The following RFX2 variants were observed in gnomAD, a reference collection of about 807,000 sequenced individuals.
The protein encoded by RFX2 is regulatory factor X2.
Under a neutral mutation model 87.8 loss-of-function variants are expected in RFX2, and 20 were observed. That is an observed-to-expected ratio of 0.23 (90% CI 0.16 to 0.33). The LOEUF (loss-of-function observed/expected upper bound fraction) is 0.33, where lower values mean the gene tolerates loss of function less well. Ranked by LOEUF, RFX2 falls within the 10% of genes least tolerant of loss-of-function variation. RFX2 has a pLI of 1.00. For missense variants in RFX2, 767 were observed against 1,012.3 expected (o/e 0.76, Z 3.29); for synonymous variants, 397 against 431.3 (o/e 0.92, Z 0.98).
chr19:6,093,391 C>T lies in RFX2; in HGVS notation c.-9+17002G>A, dbSNP rs1599927904. Among the ~76,000 whole-genome samples the T allele has an allele frequency of 3.3e-5, 5 of 152,002 alleles. No homozygotes were observed. In the East Asian group the frequency reaches 7.7e-4, roughly 23 times the overall value. On this transcript the variant is annotated intron_variant, in intron 1 of 17. Transcript: ENST00000303657. ...CTCTACTAAAATACAAAAAATTTGCCGGGCGTGGTGGCACATGCCTGTAAT... is the reference window on the plus strand; with the variant it reads ...CTCTACTAAAATACAAAAAATTTGCTGGGCGTGGTGGCACATGCCTGTAAT...
Position 6,017,294 on chromosome 19 carries a change from C to G in RFX2, c.598-1023G>C, listed in dbSNP as rs151204558. On this transcript the variant is annotated intron_variant, in intron 6 of 17. Coordinates refer to ENST00000303657, the MANE Select transcript of RFX2 (RefSeq NM_000635.4). The surrounding 1 kb of genome is among the most constrained non-coding windows in gnomAD (Gnocchi z 4.1). ...GAGTCCCGAGCCAAGGACTATGCCT[C>G]GAGAGGTGAACATCCAGTTAGAAGG... Among the ~76,000 whole-genome samples the G allele has an allele frequency of 1.2e-3, 180 of 152,292 alleles. 1 individual carries two copies. The highest frequency in any genetic ancestry group is 2.1e-3 in the Non-Finnish European group (146 of 68,020).
intron 6 of RFX2, among the ~76,000 whole-genome samples, chr19:6,025,851 T>G (rs1248364603): frequency 6.6e-6 from 1 of 150,504 alleles, no homozygotes; most frequent in East Asian, 2.0e-4. Flanking sequence ...AGTGGCGTGA[T>G]CTCGGCTCAC....
rs1200738078 is a variant in RFX2 at position 6,040,341 on chromosome 19, C to T, written c.261-100G>A. 12 of 1,259,622 alleles carry T rather than the reference C, an allele frequency of 9.5e-6. No homozygotes were observed. The highest frequency in any genetic ancestry group is 1.3e-5 in the Non-Finnish European group (12 of 925,770). 78.0% of individuals were successfully genotyped at this position (1,259,622 alleles called of 1,614,324 possible). ...CCAAACATCACGTAAAAGCTGCAAC[C>T]CAGAGAGGCCAGACATATGGAGCAA... On this transcript the variant is annotated intron_variant, in intron 4 of 17. Coordinates refer to ENST00000303657, the MANE Select transcript of RFX2 (RefSeq NM_000635.4). This position sits in a 1 kb window ranked among gnomAD's most constrained non-coding sequence, Gnocchi z 6.1.
At position 6,007,337 on chromosome 19, in the gene RFX2, G is replaced by A. The variant is rs750549699; in HGVS notation, c.1248-171C>T. 4.6e-5 allele frequency among the ~76,000 whole-genome samples: 7 copies of A among 152,076 alleles called. No individual in the cohort carries two copies. The highest frequency in any genetic ancestry group is 2.1e-4 in the South Asian group (1 of 4,820). ...CCCCTCCCTCCATGTTGCTCCCGGC[G>A]CCTCCGTGTTTCCCCCTGTCCCTCA... On this transcript the variant is annotated intron_variant, in intron 11 of 17. Coordinates refer to ENST00000303657, the MANE Select transcript of RFX2 (RefSeq NM_000635.4). The surrounding 1 kb of genome is among the most constrained non-coding windows in gnomAD (Gnocchi z 8.2).
intron 2 of RFX2, among the ~76,000 whole-genome samples, chr19:6,046,237 A>C (rs1026638161): frequency 6.6e-6 from 1 of 152,214 alleles, no homozygotes; most frequent in Admixed American, 6.5e-5. Context: ...ATTTTAAAGA[A>C]TATGTTCATT....
At chr19:6,091,787 A>C (rs905548944) in intron 1 of RFX2, among the ~76,000 whole-genome samples, 5 of 152,234 alleles carry the variant, frequency 3.3e-5, no homozygotes, top group Admixed American at 3.3e-4. Flanking sequence ...AGGAACTCTG[A>C]GTCTAAGCCG....
At chr19:6,055,218 A>G (rs1334714165) in intron 1 of RFX2, among the ~76,000 whole-genome samples, 1 of 152,224 alleles carries the variant, frequency 6.6e-6, no homozygotes, top group African/African-American at 2.4e-5. Flanking sequence ...TTGTAAGTAC[A>G]TGGAGCAACT....
At position 6,044,873 on chromosome 19, in the gene RFX2, C is replaced by T. The variant is rs992838993; in HGVS notation, c.91-591G>A. Reference sequence around the variant, plus strand: ...CCAGGTGCCCTGTGTCTGGGTCCCTCGCTCTCTGACCCCACTGCTCTCCAG... The same window carrying T: ...CCAGGTGCCCTGTGTCTGGGTCCCTTGCTCTCTGACCCCACTGCTCTCCAG... On this transcript the variant is annotated intron_variant, in intron 2 of 17. Transcript: ENST00000303657. This position sits in a 1 kb window ranked among gnomAD's most constrained non-coding sequence, Gnocchi z 5.3. 1.3e-5 allele frequency among the ~76,000 whole-genome samples: 2 copies of T among 152,226 alleles called. No homozygotes were observed. Among genetic ancestry groups the T allele is most frequent in the African/African-American group, 4.8e-5 (2 of 41,452 alleles).
intron 13 of RFX2, among the ~76,000 whole-genome samples, chr19:6,003,914 G>A (rs1275219838): frequency 1.3e-5 from 2 of 151,854 alleles, no homozygotes. Context: ...AGCAATAAGG[G>A]TCACAGCAAG....
rs546678014 is a variant in RFX2, at chr19:6,063,094, T to C, written c.-8-15590A>G. Reference sequence around the variant, plus strand: ...GTCCTGCCGCTCTCGCTCTTGCTCCTAGGCCGCCTTCTCCCTCATGCATCC... The same window carrying C: ...GTCCTGCCGCTCTCGCTCTTGCTCCCAGGCCGCCTTCTCCCTCATGCATCC... On this transcript the variant is annotated intron_variant, in intron 1 of 17. Transcript: ENST00000303657. The surrounding 1 kb of genome is among the most constrained non-coding windows in gnomAD (Gnocchi z 4.0). 1.3e-5 allele frequency among the ~76,000 whole-genome samples: 2 copies of C among 152,332 alleles called. No individual in the cohort carries two copies. Among genetic ancestry groups the C allele is most frequent in the East Asian group, 1.9e-4 (1 of 5,180 alleles).
At chr19:6,018,942 A>G (rs1353056072) in intron 6 of RFX2, among the ~76,000 whole-genome samples, 1 of 152,158 alleles carries the variant, frequency 6.6e-6, no homozygotes, top group Non-Finnish European at 1.5e-5. Flanking sequence ...CCGCCCCTGA[A>G]TCACTCAAGT....
chr19:6,012,838 C>T lies in RFX2; in HGVS notation c.899+148G>A. The stretch of plus-strand genomic sequence containing the variant: ...CCTCCTGTGTCTCCTGCTAGACTCA[C>T]CTCAGTCTCAGCAGAGGGGGATACC... On this transcript the variant is annotated intron_variant, in intron 8 of 17. Coordinates refer to ENST00000303657, the MANE Select transcript of RFX2 (RefSeq NM_000635.4). This position sits in a 1 kb window ranked among gnomAD's most constrained non-coding sequence, Gnocchi z 4.6. The T allele has an allele frequency of 4.1e-6, 3 of 728,508 alleles. No individual in the cohort carries two copies. Among genetic ancestry groups the T allele is most frequent in the Non-Finnish European group, 6.0e-6 (3 of 499,112 alleles). 45.1% of individuals were successfully genotyped at this position (728,508 alleles called of 1,614,324 possible).
chr19:6,043,013 C>T (rs2087132865), intron 3 of RFX2, among the ~76,000 whole-genome samples: 1 of 152,184 alleles, frequency 6.6e-6, no homozygotes, highest in African/African-American at 2.4e-5. Context: ...CTGACCTGCC[C>T]CTCCTTGGAC....
chr19:6,042,682 G>C (rs2087128038), intron 3 of RFX2, among the ~76,000 whole-genome samples: 1 of 152,208 alleles, frequency 6.6e-6, no homozygotes, highest in Admixed American at 6.5e-5. Context: ...GTGATGGTCT[G>C]AACAGAGTGG....
intron 1 of RFX2, chr19:6,073,578 C>A: frequency 8.2e-6 from 3 of 364,380 alleles, no homozygotes; most frequent in Admixed American, 3.8e-5. Flanking sequence ...ATAAAAACTG[C>A]AAAAAGATAT....
intron 1 of RFX2, among the ~76,000 whole-genome samples, chr19:6,062,533 C>G (rs993481081): frequency 2.0e-5 from 3 of 152,224 alleles, no homozygotes; most frequent in Non-Finnish European, 4.4e-5. Context: ...GGAGCCACAG[C>G]TTCCCGACCT....
At position 6,013,535 on chromosome 19, in the gene RFX2, C is replaced by T. The variant is rs59045422; in HGVS notation, c.780-430G>A. ...AGAAACAGGGTCTCACTCTGTCACCCAGGCTGGAGTGCAGTTGTGCAATCA... is the reference window on the plus strand; with the variant it reads ...AGAAACAGGGTCTCACTCTGTCACCTAGGCTGGAGTGCAGTTGTGCAATCA... On this transcript the variant is annotated intron_variant, in intron 7 of 17. Coordinates refer to ENST00000303657, the MANE Select transcript of RFX2 (RefSeq NM_000635.4). This position sits in a 1 kb window ranked among gnomAD's most constrained non-coding sequence, Gnocchi z 4.1. Among the ~76,000 whole-genome samples the T allele has an allele frequency of 0.018, 2,765 of 151,590 alleles. 98 individuals are homozygous for T. Among genetic ancestry groups the T allele is most frequent in the African/African-American group, 0.064 (2,654 of 41,166 alleles).
Position 6,013,011 on chromosome 19 carries a change from G to T in RFX2, c.874C>A (p.Gln292Lys), listed in dbSNP as rs867300698. ...QEDTQYMAMR[Q>K]QPMHQKPRYR... is the part of the protein sequence containing the mutation. ...CTGGGCTTCTGGTGCATGGGCTGCT[G>T]CCGCATGGCCATGTACTGCGTGTCC... Residue 292 changes from glutamine to lysine, a missense_variant, in exon 8 of 18, where the codon CAG becomes AAG. Gln to Lys is a moderately conservative substitution (Grantham distance 53). Around this residue, in one of 2 missense-constraint regions of RFX2, gnomAD observed 621 missense variants for 873.0 expected, o/e 0.71. Coordinates refer to ENST00000303657, the MANE Select transcript of RFX2 (RefSeq NM_000635.4). The surrounding 1 kb of genome is among the most constrained non-coding windows in gnomAD (Gnocchi z 4.1). The T allele has an allele frequency of 1.9e-6, 3 of 1,578,340 alleles. 1 individual carries two copies. The highest frequency in any genetic ancestry group is 3.4e-4 in the Middle Eastern group (2 of 5,924).
Position 5,994,595 on chromosome 19 carries a change from G to C in RFX2, c.*240C>G. On this transcript the variant is annotated 3_prime_UTR_variant, in exon 18 of 18. Coordinates refer to ENST00000303657, the MANE Select transcript of RFX2 (RefSeq NM_000635.4). ...CCCATGGTCTGGTGGGGCCCTGGTG[G>C]CTGCGCAGGGACCTGGGGACCCAGA... The C allele has an allele frequency of 1.8e-6, 1 of 550,170 alleles. No homozygotes were observed. Among genetic ancestry groups the C allele is most frequent in the Non-Finnish European group, 3.3e-6 (1 of 305,890 alleles). The allele number at this position is 550,170 out of a possible 1,614,324, so 34.1% of individuals were successfully genotyped here. A position where few individuals can be genotyped will look rare whatever the true frequency, so the allele number is the denominator to read the frequency against.
Sources: gnomAD v4.1 joint callset for allele counts (sites outside exome capture counted in the v4.1 genomes callset) on GRCh38, gnomAD v4.1.1 for gene constraint, gnomAD v4.1.1 regional missense constraint, Gnocchi (gnomAD v3.1) non-coding constraint, MANE v1.5 for transcripts, NCBI Gene and HGNC (gene_info 2026-07-23, HGNC 2026-07-21) for gene names.